The following ANKRD30B variants were observed in gnomAD, a reference collection of about 807,000 sequenced individuals.
The protein encoded by ANKRD30B is ankyrin repeat domain 30B.
Under a neutral mutation model 202.2 loss-of-function variants are expected in ANKRD30B, and 144 were observed. The ratio of observed to expected loss-of-function variants is 0.71; its 90% CI spans 0.62 to 0.82. ANKRD30B has a LOEUF of 0.82. Among genes scored for constraint, ANKRD30B ranks in the 40% least tolerant of loss-of-function variants. ANKRD30B has a pLI of 0.00. For missense variants in ANKRD30B, 1,487 were observed against 1,669.1 expected (o/e 0.89, Z 1.90); for synonymous variants, 508 against 561.3 (o/e 0.91, Z 1.34).
chr18:14,783,457 T>C (rs1476789762), intron 12 of ANKRD30B, among the ~76,000 whole-genome samples: 1 of 152,114 alleles, frequency 6.6e-6, no homozygotes, highest in East Asian at 1.9e-4. Context: ...TATTTGAAAC[T>C]AAGAACATTG....
intron 30 of ANKRD30B, among the ~76,000 whole-genome samples, chr18:14,820,291 A>C (rs1970347205): frequency 1.3e-5 from 2 of 152,158 alleles, no homozygotes; most frequent in Non-Finnish European, 2.9e-5. Context: ...CTAGATATAC[A>C]ATCATGTCGT....
chr18:14,816,357 G>A (rs1156690291), intron 30 of ANKRD30B: 5 of 151,924 alleles, frequency 3.3e-5, no homozygotes, highest in Non-Finnish European at 7.4e-5. Context: ...TTTATTTCAA[G>A]ATTTCAGGCC....
the ANKRD30B span, among the ~76,000 whole-genome samples, chr18:14,926,246 C>T: frequency 2.0e-5 from 3 of 152,136 alleles, no homozygotes; most frequent in East Asian, 1.9e-4. Context: ...AATCGGCTCA[C>T]CTGCATTTTG....
intron 15 of ANKRD30B, among the ~76,000 whole-genome samples, chr18:14,790,448 G>A (rs761303486): frequency 1.3e-5 from 2 of 152,204 alleles, no homozygotes; most frequent in Non-Finnish European, 2.9e-5. Context: ...TGCTAAGAGA[G>A]GGCATCCCTG....
Position 14,817,799 on chromosome 18 carries a change from C to T in ANKRD30B, c.2641+3088C>T, listed in dbSNP as rs183662708. 5.3e-5 allele frequency among the ~76,000 whole-genome samples: 8 copies of T among 152,242 alleles called. No individual in the cohort carries two copies. The East Asian group carries it at 1.5e-3, about 29-fold the overall frequency. On this transcript the variant is annotated intron_variant, in intron 30 of 43. Transcript: ENST00000690538. ...GTAAAGTTTAAAGATATTAATGAAT[C>T]GAGAATGACCTTCTCATCATAATTA...
At chr18:14,755,031 A>G (rs1403039384) in intron 4 of ANKRD30B, 26 bp downstream of exon 4, 7 of 1,314,358 alleles carry the variant, frequency 5.3e-6, no homozygotes, top group Non-Finnish European at 7.1e-6. Flanking sequence ...TTTTTTACTA[A>G]AAAACACTTG....
chr18:14,776,690 T>C (rs1967376207), intron 9 of ANKRD30B, among the ~76,000 whole-genome samples: 1 of 152,242 alleles, frequency 6.6e-6, no homozygotes, highest in Admixed American at 6.5e-5. Context: ...CACGTTTTTA[T>C]TTTTCTCTTT....
chr18:14,936,978 A>G, the ANKRD30B span, among the ~76,000 whole-genome samples: 1 of 152,158 alleles, frequency 6.6e-6, no homozygotes, highest in East Asian at 1.9e-4. Context: ...GGCTGGGAGA[A>G]GAGAACTAGG....
At chr18:14,887,551 C>A in the ANKRD30B span, among the ~76,000 whole-genome samples, 13 of 151,916 alleles carry the variant, frequency 8.6e-5, no homozygotes, top group African/African-American at 3.1e-4. Context: ...TGTGAGACAT[C>A]TATTGTAAGC....
At chr18:14,793,164 G>A (rs1456096584) in intron 16 of ANKRD30B, among the ~76,000 whole-genome samples, 4 of 151,890 alleles carry the variant, frequency 2.6e-5, no homozygotes, top group African/African-American at 2.4e-5. Context: ...TGTAGCATAC[G>A]GGTATGAAAA....
At chr18:14,798,424 A>G (rs1969071660) in intron 20 of ANKRD30B, among the ~76,000 whole-genome samples, 1 of 152,134 alleles carries the variant, frequency 6.6e-6, no homozygotes, top group African/African-American at 2.4e-5. Flanking sequence ...TAAAAAAGAA[A>G]CACAGTCTTT....
chr18:14,888,619 T>C, the ANKRD30B span: 10 of 394,292 alleles, frequency 2.5e-5, no homozygotes, highest in Non-Finnish European at 4.5e-6. Context: ...TACTAAAAAA[T>C]AAAAGGAAAG....
chr18:14,834,069 T>C (rs1293787153), intron 34 of ANKRD30B, among the ~76,000 whole-genome samples: 1 of 152,206 alleles, frequency 6.6e-6, no homozygotes, highest in East Asian at 1.9e-4. Context: ...ATTTATACGA[T>C]TATTTATTCT....
At chr18:14,892,625 A>C in the ANKRD30B span, among the ~76,000 whole-genome samples, 1 of 151,854 alleles carries the variant, frequency 6.6e-6, no homozygotes, top group Non-Finnish European at 1.5e-5. Context: ...CTGTAATCCC[A>C]GATACTCAGG....
rs143814303 is a variant in ANKRD30B, at chr18:14,811,442, A to T, written c.2488+1262A>T. Among the ~76,000 whole-genome samples, 456 of 151,066 alleles carry T rather than the reference A, an allele frequency of 3.0e-3. 13 individuals carry two copies. The highest frequency in any genetic ancestry group is 9.9e-3 in the African/African-American group (407 of 41,048). On this transcript the variant is annotated intron_variant, in intron 28 of 43. Transcript: ENST00000690538. ...TAGCCAGGATGGTCTTGACCTGCTG[A>T]CCTTGTAATCCACCCACCTCGGCCT... is the stretch of plus-strand genomic sequence containing the variant.
rs561161630 is a variant in ANKRD30B at position 14,749,599 on chromosome 18, A to G, written c.221+959A>G. Among the ~76,000 whole-genome samples, 8 of 140,314 alleles carry G rather than the reference A, an allele frequency of 5.7e-5. No individual in the cohort carries two copies. In the South Asian group the frequency reaches 2.0e-3, roughly 36 times the overall value. 92.1% of individuals were successfully genotyped at this position (140,314 alleles called of 152,430 possible). The stretch of plus-strand genomic sequence containing the variant: ...GGCGGGAGAATTGCTTCAACCTGGT[A>G]GGTGGAGGTTGCAGTGAGCCGAGAT... On this transcript the variant is annotated intron_variant, in intron 1 of 43. Transcript: ENST00000690538.
intron 34 of ANKRD30B, among the ~76,000 whole-genome samples, chr18:14,832,717 G>A (rs1025293010): frequency 2.6e-5 from 4 of 152,124 alleles, no homozygotes; most frequent in Non-Finnish European, 4.4e-5. Context: ...AATCTAATGC[G>A]TTTCTAAAAT....
At chr18:14,782,976 A>AT (rs1236480800) in intron 12 of ANKRD30B, among the ~76,000 whole-genome samples, 1 of 150,086 alleles carries the variant, frequency 6.7e-6, no homozygotes, top group Non-Finnish European at 1.5e-5. Context: ...AAAATAAAAT[A>AT]TTTTTTAGAA....
chr18:14,788,244 T>A (rs1968217031), intron 15 of ANKRD30B, among the ~76,000 whole-genome samples: 1 of 152,228 alleles, frequency 6.6e-6, no homozygotes, highest in Admixed American at 6.5e-5. Flanking sequence ...ATAAGTTAGA[T>A]ATTTTTAAGA....
Sources: allele counts gnomAD v4.1 joint callset (sites outside exome capture counted in the v4.1 genomes callset), GRCh38; gene constraint gnomAD v4.1.1; transcripts MANE v1.5; gene names NCBI Gene and HGNC (gene_info 2026-07-23, HGNC 2026-07-21).